PLXNA4: variants seen among roughly 807,000 people sequenced by gnomAD.
The protein encoded by PLXNA4 is plexin-A4.
PLXNA4 carries 44 observed loss-of-function variants against 191.8 expected under a neutral mutation model. That is an observed-to-expected ratio of 0.23 (90% CI 0.18 to 0.29). PLXNA4 has a LOEUF of 0.29. PLXNA4 is among the 10% of genes least tolerant of loss of function. The probability of loss-of-function intolerance (pLI) is 1.00; values close to 1 mark genes in which losing one functional copy is unlikely to be tolerated. For missense variants in PLXNA4, 1,800 were observed against 2,488.8 expected (o/e 0.72, Z 5.89); for synonymous variants, 1,082 against 1,009.5 (o/e 1.07, Z -1.36).
intron 3 of PLXNA4, among the ~76,000 whole-genome samples, chr7:132,400,767 G>A (rs1475625520): frequency 6.6e-6 from 1 of 152,182 alleles, no homozygotes; most frequent in African/African-American, 2.4e-5. Flanking sequence ...TCCTCCTCGG[G>A]AAAGCTCCCT....
chr7:132,522,138 T>C (rs1480001970), intron 1 of PLXNA4, among the ~76,000 whole-genome samples: 1 of 152,098 alleles, frequency 6.6e-6, no homozygotes, highest in Non-Finnish European at 1.5e-5. Context: ...ATCCACTCTG[T>C]GGATCAGTTC....
At chr7:132,348,749 G>T (rs1346876028) in intron 3 of PLXNA4, among the ~76,000 whole-genome samples, 1 of 152,230 alleles carries the variant, frequency 6.6e-6, no homozygotes, top group Non-Finnish European at 1.5e-5. Flanking sequence ...ACACTAATTG[G>T]TTTAGAAGTA....
chr7:132,334,311 G>A (rs558549459), intron 3 of PLXNA4, among the ~76,000 whole-genome samples: 1 of 132,278 alleles, frequency 7.6e-6, no homozygotes, highest in Non-Finnish European at 1.5e-5. Flanking sequence ...AGGCTGGAGT[G>A]CAGTGGCCCA....
intron 2 of PLXNA4, among the ~76,000 whole-genome samples, chr7:132,626,344 C>A (rs552357676): frequency 8.5e-5 from 13 of 152,316 alleles, no homozygotes; most frequent in African/African-American, 3.1e-4. Context: ...AGAGTGCTGT[C>A]GGTGCTCAGC....
chr7:132,156,069 G>A (rs920067759), intron 25 of PLXNA4, among the ~76,000 whole-genome samples: 1 of 150,546 alleles, frequency 6.6e-6, no homozygotes, highest in Non-Finnish European at 1.5e-5. Context: ...TTTTCGACTT[G>A]CCAGCCTCCA....
intron 3 of PLXNA4, among the ~76,000 whole-genome samples, chr7:132,464,060 T>C (rs1039801247): frequency 3.9e-5 from 6 of 152,216 alleles, no homozygotes; most frequent in African/African-American, 1.4e-4. Flanking sequence ...AGCTTACCTC[T>C]GAATTGCAAT....
chr7:132,570,222 T>A (rs1801917180), intron 1 of PLXNA4, among the ~76,000 whole-genome samples: 2 of 152,160 alleles, frequency 1.3e-5, no homozygotes, highest in African/African-American at 2.4e-5. Context: ...GAAACTCTAG[T>A]CTATTTTAAG....
intron 3 of PLXNA4, among the ~76,000 whole-genome samples, chr7:132,461,006 T>G (rs1025218337): frequency 6.6e-6 from 1 of 152,060 alleles, no homozygotes; most frequent in African/African-American, 2.4e-5. Context: ...TGAGATAGAT[T>G]TACCAAAAGG....
At chr7:132,362,405 T>A (rs1278721317) in intron 3 of PLXNA4, among the ~76,000 whole-genome samples, 2 of 152,220 alleles carry the variant, frequency 1.3e-5, no homozygotes, top group Non-Finnish European at 2.9e-5. Context: ...GAACACACGC[T>A]TTCTATGCAT....
intron 2 of PLXNA4, among the ~76,000 whole-genome samples, chr7:132,500,955 G>A (rs765373126): frequency 2.6e-5 from 4 of 152,172 alleles, no homozygotes; most frequent in Non-Finnish European, 5.9e-5. Flanking sequence ...CGGCCAAGAC[G>A]CCACCCTGTG....
intron 4 of PLXNA4, among the ~76,000 whole-genome samples, chr7:132,285,952 A>C (rs1280790523): frequency 6.6e-6 from 1 of 151,140 alleles, no homozygotes; most frequent in Non-Finnish European, 1.5e-5. Context: ...AATGAGGATC[A>C]GTGGTAGTCT....
At chr7:132,491,971 C>G (rs1797825737) in intron 2 of PLXNA4, among the ~76,000 whole-genome samples, 1 of 152,208 alleles carries the variant, frequency 6.6e-6, no homozygotes. Flanking sequence ...CTTCCAAGGG[C>G]AGCCTGGGGT....
intron 2 of PLXNA4, among the ~76,000 whole-genome samples, chr7:132,582,677 C>T (rs914388621): frequency 6.6e-6 from 1 of 152,164 alleles, no homozygotes; most frequent in Non-Finnish European, 1.5e-5. Flanking sequence ...ATGATTTCAG[C>T]CTTCAGAAGT....
chr7:132,404,361 C>T lies in PLXNA4; in HGVS notation c.1371+84931G>A, dbSNP rs536942349. ...TTCATCACTCAAACCACAACCAAAA[C>T]GATATGCAGCCCCCTTAGCCTTTGT... On this transcript the variant is annotated intron_variant, in intron 3 of 31. Transcript: ENST00000321063. Among the ~76,000 whole-genome samples, 236 of 152,332 alleles carry T rather than the reference C, an allele frequency of 1.5e-3. 6 individuals are homozygous for T. The South Asian group carries it at 0.042, about 27-fold the overall frequency.
chr7:132,594,215 C>T (rs865817820), intron 2 of PLXNA4, among the ~76,000 whole-genome samples: 5 of 152,226 alleles, frequency 3.3e-5, no homozygotes, highest in Admixed American at 1.3e-4. Flanking sequence ...TCCAACATGA[C>T]CGGTGTCTTT....
At chr7:132,437,569 G>GAA (rs58252362) in intron 3 of PLXNA4, among the ~76,000 whole-genome samples, 30 of 138,362 alleles carry the variant, frequency 2.2e-4, no homozygotes, top group African/African-American at 7.3e-4. Flanking sequence ...GGAAAAAAAA[G>GAA]AAAAAAAAAA....
At chr7:132,139,785 C>T (rs1795211534) in intron 30 of PLXNA4, among the ~76,000 whole-genome samples, 1 of 152,196 alleles carries the variant, frequency 6.6e-6, no homozygotes, top group South Asian at 2.1e-4. Flanking sequence ...TCATCTTGGG[C>T]AGATTACTTA....
intron 15 of PLXNA4, among the ~76,000 whole-genome samples, chr7:132,185,668 T>C (rs10280981): frequency 0.51 from 77,941 of 152,164 alleles, 23,941 homozygotes; most frequent in African/African-American, 0.85. Context: ...TCTTTTCAAA[T>C]AGGCCTCATC....
intron 5 of PLXNA4, among the ~76,000 whole-genome samples, chr7:132,237,524 G>A (rs1202573684): frequency 6.6e-6 from 1 of 152,178 alleles, no homozygotes; most frequent in Non-Finnish European, 1.5e-5. Flanking sequence ...TCAGCGGGCA[G>A]GCAGCCTTGG....
Sources: gnomAD v4.1 joint callset for allele counts (sites outside exome capture counted in the v4.1 genomes callset) on GRCh38, gnomAD v4.1.1 for gene constraint, MANE v1.5 for transcripts, NCBI Gene and HGNC (gene_info 2026-07-23, HGNC 2026-07-21) for gene names.